MAP4: variants seen among roughly 807,000 people sequenced by gnomAD.
MAP4 encodes the protein microtubule associated protein 4, also known as microtubule-associated protein 4.
MAP4 carries 76 observed loss-of-function variants against 170.2 expected under a neutral mutation model. That is an observed-to-expected ratio of 0.45 (90% CI 0.37 to 0.54). MAP4 has a LOEUF of 0.54. MAP4 is among the 20% of genes least tolerant of loss of function. MAP4 has a pLI of 0.00. For missense variants in MAP4, 2,506 were observed against 2,748.0 expected (o/e 0.91, Z 1.97); for synonymous variants, 909 against 994.5 (o/e 0.91, Z 1.62).
At chr3:47,880,944 G>C (rs768557556) in intron 10 of MAP4, among the ~76,000 whole-genome samples, 1 of 152,134 alleles carries the variant, frequency 6.6e-6, no homozygotes, top group Non-Finnish European at 1.5e-5. Context: ...CTGTCTAGTA[G>C]TTCTATCAAC....
At chr3:47,874,456 G>A (rs919543988) in intron 12 of MAP4, among the ~76,000 whole-genome samples, 6 of 152,180 alleles carry the variant, frequency 3.9e-5, no homozygotes, top group South Asian at 4.2e-4. Context: ...GTGACAGAGC[G>A]AGGCTCCATC....
chr3:48,055,268 G>A (rs549454411), intron 1 of MAP4, among the ~76,000 whole-genome samples: 138 of 151,896 alleles, frequency 9.1e-4, no homozygotes, highest in African/African-American at 3.2e-3. Flanking sequence ...ATGCGGAGCC[G>A]AAGCTGGACT....
At chr3:47,936,332 G>A (rs1446688088) in intron 3 of MAP4, among the ~76,000 whole-genome samples, 1 of 151,782 alleles carries the variant, frequency 6.6e-6, no homozygotes, top group Non-Finnish European at 1.5e-5. Context: ...CTACTCGGGA[G>A]GCTGAGGCAG....
At chr3:47,945,535 G>C (rs2100059239) in intron 3 of MAP4, among the ~76,000 whole-genome samples, 1 of 151,942 alleles carries the variant, frequency 6.6e-6, no homozygotes, top group South Asian at 2.1e-4. Context: ...AAAGGATGTT[G>C]AATGGAGAAA....
intron 3 of MAP4, among the ~76,000 whole-genome samples, chr3:47,939,594 A>C (rs746850034): frequency 3.3e-5 from 5 of 152,184 alleles, no homozygotes; most frequent in Non-Finnish European, 5.9e-5. Flanking sequence ...TTTTTTAAAA[A>C]AGCATAAGGA....
intron 3 of MAP4, among the ~76,000 whole-genome samples, chr3:47,930,118 G>C (rs1201451517): frequency 6.6e-6 from 1 of 151,922 alleles, no homozygotes; most frequent in African/African-American, 2.4e-5. Flanking sequence ...GCAACAGAGT[G>C]AGACTGCGTC....
At chr3:47,915,038 T>C in intron 7 of MAP4, 99 bp from the exon 8 acceptor site, 1 of 1,460,872 alleles carries the variant, frequency 6.8e-7, no homozygotes, top group South Asian at 1.2e-5. Flanking sequence ...TTCTGAGGAG[T>C]TCTCCTACAA....
chr3:47,897,995 G>GT (rs2100027952), intron 10 of MAP4, among the ~76,000 whole-genome samples: 1 of 151,740 alleles, frequency 6.6e-6, no homozygotes, highest in African/African-American at 2.4e-5. Context: ...TATGCAAAGA[G>GT]TAAGATGTGG....
chr3:47,964,702 A>G (rs754652379), intron 3 of MAP4, among the ~76,000 whole-genome samples: 8 of 152,222 alleles, frequency 5.3e-5, no homozygotes, highest in Non-Finnish European at 8.8e-5. Flanking sequence ...CATTTAAGCA[A>G]TGTTGACATA....
At chr3:47,999,042 G>T (rs1166701022) in intron 1 of MAP4, among the ~76,000 whole-genome samples, 163 bp from the exon 2 acceptor site, 2 of 152,164 alleles carry the variant, frequency 1.3e-5, no homozygotes, top group African/African-American at 2.4e-5. Flanking sequence ...ATAAAGCTAA[G>T]AAATGGACAG....
chr3:47,975,973 A>G (rs2100081903), intron 3 of MAP4, among the ~76,000 whole-genome samples: 1 of 152,138 alleles, frequency 6.6e-6, no homozygotes, highest in Admixed American at 6.6e-5. Flanking sequence ...TATTTTTAGC[A>G]GAGATGGGGT....
chr3:47,976,323 G>A (rs1003085094), intron 3 of MAP4, among the ~76,000 whole-genome samples: 7 of 152,160 alleles, frequency 4.6e-5, no homozygotes, highest in Admixed American at 2.0e-4. Context: ...GCCTGGCAGC[G>A]GTAAGCACCT....
chr3:48,048,485 G>A (rs1234101520), intron 1 of MAP4, among the ~76,000 whole-genome samples: 2 of 148,216 alleles, frequency 1.3e-5, no homozygotes, highest in Non-Finnish European at 3.0e-5. Flanking sequence ...TTATCATCAG[G>A]TAGATCCAGA....
chr3:47,885,038 CTGGGG>C, intron 10 of MAP4, among the ~76,000 whole-genome samples: 1 of 152,276 alleles, frequency 6.6e-6, no homozygotes, highest in South Asian at 2.1e-4. Context: ...GAGCCCACTG[CTGGGG>C]ATGGGTAGTG....
intron 1 of MAP4, among the ~76,000 whole-genome samples, chr3:48,083,269 G>C (rs746243486): frequency 2.6e-5 from 4 of 152,202 alleles, no homozygotes; most frequent in East Asian, 1.9e-4. Flanking sequence ...AATGTATATA[G>C]AAAGTCTGTA....
At position 47,871,028 on chromosome 3, in the gene MAP4, C is replaced by A. The variant is rs2091693392; in HGVS notation, c.6079G>T (p.Ala2027Ser). ...TTTLSGTAPA[A>S]GVVPSRVKAT... is the part of the protein sequence containing the mutation. ...TTGACTCGGCTGGGAACCACCCCTG[C>A]AGCGGGGGCTGTCCCACTGAGAGTG... The change falls in exon 15 of 21, where the codon GCA (alanine) becomes TCA (serine). Residue 2027 changes from alanine to serine, a missense_variant. Physicochemically the swap from Ala to Ser is moderately conservative, Grantham distance 99. Transcript: ENST00000683076. The A allele has an allele frequency of 1.2e-6, 2 of 1,613,992 alleles. No individual in the cohort carries two copies. The highest frequency in any genetic ancestry group is 2.2e-5 in the East Asian group (1 of 44,880).
chr3:48,018,371 T>C (rs1453412584), upstream of MAP4, among the ~76,000 whole-genome samples: 1 of 152,196 alleles, frequency 6.6e-6, no homozygotes, highest in Non-Finnish European at 1.5e-5. Flanking sequence ...AACACATTTC[T>C]AAAATGACAC....
rs781049377 is a variant in MAP4, at chr3:48,001,440, TAAC to T, written c.-19-2564_-19-2562del. Among the ~76,000 whole-genome samples, 8 of 152,348 alleles carry T rather than the reference TAAC, an allele frequency of 5.3e-5. No homozygotes were observed. The East Asian group carries it at 7.7e-4, about 15-fold the overall frequency. On this transcript the variant is annotated intron_variant, in intron 1 of 20. Transcript: ENST00000683076. ...ATTTTATGAGTTTTCCTATTTGAAATAACAACCTTAATTCCTCATCAATAATTT... is the reference window on the plus strand; with the variant it reads ...ATTTTATGAGTTTTCCTATTTGAAATAACCTTAATTCCTCATCAATAATTT...
Position 47,871,296 on chromosome 3 carries a change from A to G in MAP4, c.5942-10T>C. 1 of 1,605,950 alleles carries G rather than the reference A, an allele frequency of 6.2e-7. No homozygotes were observed. The highest frequency in any genetic ancestry group is 8.5e-7 in the Non-Finnish European group (1 of 1,172,548). ...CCCTCAGTCTTAATGGCTGTACAAA[A>G]TATACTTATTAATATAACATTTAAC... On this transcript the variant is annotated splice_polypyrimidine_tract_variant and intron_variant, in intron 13 of 20. Coordinates refer to ENST00000683076, the MANE Select transcript of MAP4 (RefSeq NM_001385682.1).
Sources: gnomAD v4.1 joint callset for allele counts (sites outside exome capture counted in the v4.1 genomes callset) on GRCh38, gnomAD v4.1.1 for gene constraint, MANE v1.5 for transcripts, NCBI Gene and HGNC (gene_info 2026-07-23, HGNC 2026-07-21) for gene names.